The following LRRC8B variants were observed in gnomAD, a reference collection of about 807,000 sequenced individuals.
LRRC8B encodes the protein volume-regulated anion channel subunit LRRC8B.
Under a neutral mutation model 58.8 loss-of-function variants are expected in LRRC8B, and 23 were observed. That is an observed-to-expected ratio of 0.39 (90% confidence interval 0.28 to 0.55). The LOEUF (loss-of-function observed/expected upper bound fraction) is 0.55, where lower values mean the gene tolerates loss of function less well. Among genes scored for constraint, LRRC8B ranks in the 20% least tolerant of loss-of-function variants. The pLI, the probability that LRRC8B is intolerant of heterozygous loss-of-function variation, is 0.62. For synonymous variants in LRRC8B, 359 were observed against 374.1 expected (o/e 0.96, Z 0.47); for missense variants, 694 against 936.0 (o/e 0.74, Z 3.37).
chr1:89,550,027 C>A (rs1368792762), intron 1 of LRRC8B: 1 of 152,140 alleles, frequency 6.6e-6, no homozygotes, highest in African/African-American at 2.4e-5. Context: ...TCATCATTGA[C>A]CCTGTGGCCA....
chr1:89,584,738 A>G lies in LRRC8B; in HGVS notation c.2088A>G (p.Glu696=), dbSNP rs774536812. ...LSYNHLTFIP[E]EIQYLSNLQY... The stretch of plus-strand genomic sequence containing the variant: ...ATAACCACTTGACCTTCATTCCAGA[A>G]GAAATCCAGTATCTGAGTAATTTGC... Residue 696 remains glutamate (E), a synonymous_variant, in exon 5 of 6, where the codon GAA becomes GAG. Transcript: ENST00000330947. 6.2e-7 allele frequency: 1 copy of G among 1,612,416 alleles called. No individual in the cohort carries two copies. The highest frequency in any genetic ancestry group is 1.1e-5 in the South Asian group (1 of 90,534).
chr1:89,590,180 G>A lies in LRRC8B; in HGVS notation c.2140-2591G>A, dbSNP rs7525660. ...GGCTCTCTGGCTCATGTGTCATACA[G>A]TCTAAGAAAGGGCATGCTAAATAAA... is the stretch of plus-strand genomic sequence containing the variant. On this transcript the variant is annotated intron_variant, in intron 5 of 5. Transcript: ENST00000330947. Among the ~76,000 whole-genome samples, 642 of 152,218 alleles carry A rather than the reference G, an allele frequency of 4.2e-3. 6 individuals are homozygous for A. Among genetic ancestry groups the A allele is most frequent in the African/African-American group, 0.015 (612 of 41,526 alleles).
At chr1:89,543,882 G>A (rs902627373) in intron 1 of LRRC8B, among the ~76,000 whole-genome samples, 4 of 151,868 alleles carry the variant, frequency 2.6e-5, no homozygotes, top group African/African-American at 9.7e-5. Flanking sequence ...CGATCTCCCA[G>A]GCTCAGGCTA....
At chr1:89,581,742 G>A (rs1360232245) in intron 4 of LRRC8B, among the ~76,000 whole-genome samples, 3 of 152,138 alleles carry the variant, frequency 2.0e-5, no homozygotes, top group East Asian at 1.9e-4. Context: ...AACATGAGAG[G>A]GAGTCCCCAT....
At chr1:89,526,728 C>T (rs934428910) in intron 1 of LRRC8B, among the ~76,000 whole-genome samples, 1 of 151,316 alleles carries the variant, frequency 6.6e-6, no homozygotes, top group African/African-American at 2.5e-5. Context: ...GGTCATGGCA[C>T]TTTCCTTATA....
intron 1 of LRRC8B, among the ~76,000 whole-genome samples, chr1:89,550,312 C>T (rs1272830077): frequency 1.3e-5 from 2 of 152,156 alleles, no homozygotes; most frequent in Non-Finnish European, 2.9e-5. Context: ...TGTATTTCTC[C>T]TTTTTAACGA....
intron 1 of LRRC8B, among the ~76,000 whole-genome samples, chr1:89,525,741 T>TA (rs1649641189): frequency 6.6e-6 from 1 of 152,196 alleles, no homozygotes; most frequent in Non-Finnish European, 1.5e-5. Flanking sequence ...AGATTGCCTT[T>TA]AGTTAGATGA....
intron 1 of LRRC8B, among the ~76,000 whole-genome samples, chr1:89,532,490 A>T (rs1650215627): frequency 6.6e-6 from 1 of 152,156 alleles, no homozygotes; most frequent in South Asian, 2.1e-4. Context: ...TAATTGAATC[A>T]TGGGGGCAGT....
chr1:89,531,225 A>G (rs1277918520), intron 1 of LRRC8B, among the ~76,000 whole-genome samples: 3 of 152,228 alleles, frequency 2.0e-5, no homozygotes, highest in African/African-American at 4.8e-5. Context: ...TTTCTGAATC[A>G]TGTAGGGAAG....
intron 3 of LRRC8B, among the ~76,000 whole-genome samples, chr1:89,573,124 A>C (rs1653587478): frequency 6.6e-6 from 1 of 151,988 alleles, no homozygotes; most frequent in South Asian, 2.1e-4. Flanking sequence ...CATGGTGAAA[A>C]CCCATCTCTA....
chr1:89,578,362 C>A (rs1319981774), intron 3 of LRRC8B, among the ~76,000 whole-genome samples: 3 of 152,128 alleles, frequency 2.0e-5, no homozygotes, highest in Non-Finnish European at 4.4e-5. Context: ...TTATCATGCT[C>A]AGTGCACATA....
intron 5 of LRRC8B, among the ~76,000 whole-genome samples, chr1:89,589,281 A>G (rs1202525949): frequency 6.6e-6 from 1 of 152,104 alleles, no homozygotes; most frequent in Non-Finnish European, 1.5e-5. Context: ...TGGAACCCAA[A>G]CATTCTGATT....
At chr1:89,536,299 A>T (rs1301871351) in intron 1 of LRRC8B, among the ~76,000 whole-genome samples, 1 of 152,240 alleles carries the variant, frequency 6.6e-6, no homozygotes, top group Non-Finnish European at 1.5e-5. Context: ...TTACCAGCAG[A>T]TATGGCACTC....
rs966149854 is a variant in LRRC8B at position 89,594,577 on chromosome 1, T to C, written c.*1534T>C. The stretch of plus-strand genomic sequence containing the variant: ...TATGATTATAATGTAAAACAGCCTC[T>C]ATTCAGTGTCTAAAATGAGTTCTCA... On this transcript the variant is annotated 3_prime_UTR_variant, in exon 6 of 6. Transcript: ENST00000330947. 7 of 152,192 alleles carry C rather than the reference T, an allele frequency of 4.6e-5. No individual in the cohort carries two copies. Among genetic ancestry groups the C allele is most frequent in the African/African-American group, 1.7e-4 (7 of 41,462 alleles). The allele number at this position is 152,192 out of a possible 1,614,324, so 9.4% of individuals were successfully genotyped here.
chr1:89,559,651 C>CACAT (rs1491144391), intron 1 of LRRC8B, among the ~76,000 whole-genome samples: 2 of 144,276 alleles, frequency 1.4e-5, no homozygotes, highest in Admixed American at 1.4e-4. Flanking sequence ...CACACACACA[C>CACAT]ATATATGTAC....
At chr1:89,526,363 C>T (rs568789634) in intron 1 of LRRC8B, among the ~76,000 whole-genome samples, 171 of 152,276 alleles carry the variant, frequency 1.1e-3, no homozygotes, top group Middle Eastern at 6.8e-3. Context: ...TACAGGGGCC[C>T]GCCACCACGC....
chr1:89,584,403 G>A lies in LRRC8B; in HGVS notation c.1753G>A (p.Val585Ile). Residue 585 changes from valine to isoleucine, a missense_variant, in exon 5 of 6, where the codon GTC (valine) becomes ATC (isoleucine). By Grantham distance (29) the Val-to-Ile change is conservative. Coordinates refer to ENST00000330947, the MANE Select transcript of LRRC8B (RefSeq NM_001369817.2). Reference sequence around the variant, plus strand: ...TGTGTTGAACAACTTGAAAAAGATGGTCAATCTGAAAAGCCTAGAACTGAT... The same window carrying A: ...TGTGTTGAACAACTTGAAAAAGATGATCAATCTGAAAAGCCTAGAACTGAT... ...LVVLNNLKKM[V>I]NLKSLELISC... 6.2e-7 allele frequency: 1 copy of A among 1,614,098 alleles called. No homozygotes were observed. Among genetic ancestry groups the A allele is most frequent in the Non-Finnish European group, 8.5e-7 (1 of 1,180,018 alleles).
chr1:89,570,477 G>A (rs1358819667), intron 3 of LRRC8B, among the ~76,000 whole-genome samples: 1 of 152,106 alleles, frequency 6.6e-6, no homozygotes. Context: ...CAGTGATGCT[G>A]ATCATTTTTT....
intron 3 of LRRC8B, among the ~76,000 whole-genome samples, chr1:89,574,104 G>T (rs1439194078): frequency 3.3e-5 from 5 of 152,208 alleles, no homozygotes; most frequent in African/African-American, 1.2e-4. Flanking sequence ...CAAGGCCCCT[G>T]GTCGACAGCC....
Sources: gnomAD v4.1 joint callset for allele counts (sites outside exome capture counted in the v4.1 genomes callset) on GRCh38, gnomAD v4.1.1 for gene constraint, MANE v1.5 for transcripts, NCBI Gene and HGNC (gene_info 2026-07-23, HGNC 2026-07-21) for gene names.